Variants in NUDT3 observed in about 807,000 individuals in gnomAD.
The protein encoded by NUDT3 is diphosphoinositol polyphosphate phosphohydrolase 1.
NUDT3 carries 9 observed loss-of-function variants against 23.6 expected under a neutral mutation model. That is an observed-to-expected ratio of 0.38 (90% CI 0.23 to 0.66). NUDT3 has a LOEUF of 0.66. NUDT3 is among the 30% of genes least tolerant of loss of function. The pLI is 0.52. For missense variants in NUDT3, 172 were observed against 218.5 expected (o/e 0.79, Z 1.34); for synonymous variants, 86 against 82.6 (o/e 1.04, Z -0.22).
intron 1 of NUDT3, among the ~76,000 whole-genome samples, chr6:34,375,353 TTAAAAAA>T (rs1389650084): frequency 2.0e-5 from 3 of 151,744 alleles, no homozygotes; most frequent in African/African-American, 7.3e-5. Context: ...CAAAAAAAAA[TTAAAAAA>T]TAAAAAATAA....
chr6:34,288,830 A>G lies in NUDT3; in HGVS notation c.442T>C (p.Ser148Pro). 1 of 1,614,154 alleles carries G rather than the reference A, an allele frequency of 6.2e-7. No homozygotes were observed. Among genetic ancestry groups the G allele is most frequent in the Non-Finnish European group, 8.5e-7 (1 of 1,180,010 alleles). ...SYFETLRQGY[S>P]ANNGTPVVAT... The stretch of plus-strand genomic sequence containing the variant: ...ACGACTGGGGTGCCATTGTTGGCTG[A>G]GTAGCCTTGCCTCAATGTTTCAAAA... The change falls in exon 5 of 5, where the codon TCA becomes CCA. Residue 148 changes from serine to proline, a missense_variant. Coordinates refer to ENST00000607016, the MANE Select transcript of NUDT3 (RefSeq NM_006703.4).
At chr6:34,353,311 T>C (rs531082982) in intron 1 of NUDT3, among the ~76,000 whole-genome samples, 2 of 152,316 alleles carry the variant, frequency 1.3e-5, no homozygotes, top group East Asian at 1.9e-4. Context: ...TTATTTGTTA[T>C]ACACAAATTT....
At position 34,346,903 on chromosome 6, in the gene NUDT3, A is replaced by C. The variant is rs574597136; in HGVS notation, c.100-4931T>G. Reference sequence around the variant, plus strand: ...CCCGAGTAGCTGGGACTACAGGCACACACCACCATGCTCGGCTAATTTTTA... The same window carrying C: ...CCCGAGTAGCTGGGACTACAGGCACCCACCACCATGCTCGGCTAATTTTTA... On this transcript the variant is annotated intron_variant, in intron 1 of 4. Coordinates refer to ENST00000607016, the MANE Select transcript of NUDT3 (RefSeq NM_006703.4). Among the ~76,000 whole-genome samples, 25 of 152,294 alleles carry C rather than the reference A, an allele frequency of 1.6e-4. No homozygotes were observed. In the South Asian group the frequency reaches 4.6e-3, roughly 28 times the overall value.
intron 4 of NUDT3, among the ~76,000 whole-genome samples, chr6:34,291,512 ATTTTTTT>A (rs888858316): frequency 6.8e-6 from 1 of 148,096 alleles, no homozygotes; most frequent in Non-Finnish European, 1.5e-5. Context: ...ATTGACAAAA[ATTTTTTT>A]TTTTGAAACA....
rs1365488400 is a variant in NUDT3 at position 34,282,523 on chromosome 6, G to A, written c.*6230C>T. 2 of 152,150 alleles carry A rather than the reference G, an allele frequency of 1.3e-5. No homozygotes were observed. Among genetic ancestry groups the A allele is most frequent in the African/African-American group, 4.8e-5 (2 of 41,440 alleles). The allele number at this position is 152,150 out of a possible 1,614,324, so 9.4% of individuals were successfully genotyped here. On this transcript the variant is annotated 3_prime_UTR_variant, in exon 5 of 5. Coordinates refer to ENST00000607016, the MANE Select transcript of NUDT3 (RefSeq NM_006703.4). ...TGCCTGGCTGGAAGCTCAAGTCTAG[G>A]AGAGCTATTTTACTGCACTGTTGAG...
At chr6:34,325,196 T>TAAAA in intron 2 of NUDT3, among the ~76,000 whole-genome samples, 1 of 152,254 alleles carries the variant, frequency 6.6e-6, no homozygotes, top group South Asian at 2.1e-4. Context: ...AAACATGATA[T>TAAAA]GCTTTCACTG....
chr6:34,367,258 G>A (rs1764750248), intron 1 of NUDT3, among the ~76,000 whole-genome samples: 1 of 151,990 alleles, frequency 6.6e-6, no homozygotes, highest in Admixed American at 6.5e-5. Flanking sequence ...GAGGTGAGTG[G>A]ATCACCTGAG....
chr6:34,361,216 T>C (rs1002586763), intron 1 of NUDT3, among the ~76,000 whole-genome samples: 2 of 152,298 alleles, frequency 1.3e-5, no homozygotes, highest in South Asian at 2.1e-4. Context: ...AGTGAGACCC[T>C]GTCTCTAAAA....
In NUDT3 at chr6:34,282,927, A is replaced by C. The variant is rs1313418556; in HGVS notation, c.*5826T>G. ...AATGACTTCTTTCCACCTTCTAGAT[A>C]GTAATCTTACTTTTGTTGGCTAAAA... On this transcript the variant is annotated 3_prime_UTR_variant, in exon 5 of 5. Coordinates refer to ENST00000607016, the MANE Select transcript of NUDT3 (RefSeq NM_006703.4). 3 of 152,190 alleles carry C rather than the reference A, an allele frequency of 2.0e-5. No homozygotes were observed. The highest frequency in any genetic ancestry group is 7.2e-5 in the African/African-American group (3 of 41,446). 9.4% of individuals were successfully genotyped at this position (152,190 alleles called of 1,614,324 possible).
At chr6:34,342,066 C>G (rs1764296223) in intron 1 of NUDT3, 94 bp from the exon 2 acceptor site, 1 of 1,105,872 alleles carries the variant, frequency 9.0e-7, no homozygotes, top group African/African-American at 1.6e-5. Context: ...TCAAAGTAAC[C>G]AAGACCCATT....
chr6:34,392,007 C>T (rs1765210215), intron 1 of NUDT3, among the ~76,000 whole-genome samples: 1 of 152,172 alleles, frequency 6.6e-6, no homozygotes, highest in Admixed American at 6.5e-5. Flanking sequence ...GGCGGCGGAA[C>T]CGAAGCGCTC....
chr6:34,363,776 T>C (rs2113753803), intron 1 of NUDT3, among the ~76,000 whole-genome samples: 1 of 151,514 alleles, frequency 6.6e-6, no homozygotes, highest in South Asian at 2.1e-4. Flanking sequence ...TTTTTTCTTT[T>C]TCTTCTTTTT....
intron 4 of NUDT3, among the ~76,000 whole-genome samples, chr6:34,292,683 T>A (rs1234558170): frequency 6.6e-6 from 1 of 152,166 alleles, no homozygotes; most frequent in Non-Finnish European, 1.5e-5. Context: ...CACTATTCTG[T>A]ATCTACTAAA....
At chr6:34,320,329 C>T (rs991241805) in intron 2 of NUDT3, among the ~76,000 whole-genome samples, 2 of 152,036 alleles carry the variant, frequency 1.3e-5, no homozygotes, top group African/African-American at 2.4e-5. Context: ...GGGTTTAAAG[C>T]GATTCTCCTG....
rs74659886 is a variant in NUDT3, at chr6:34,352,724, T to C, written c.100-10752A>G. ...ACTTATTAACCACAATTCAGTCTAATTTAAGATGTCAAAGTTTAAACCACA... is the reference window on the plus strand; with the variant it reads ...ACTTATTAACCACAATTCAGTCTAACTTAAGATGTCAAAGTTTAAACCACA... On this transcript the variant is annotated intron_variant, in intron 1 of 4. Transcript: ENST00000607016. 1.2e-3 allele frequency among the ~76,000 whole-genome samples: 182 copies of C among 152,342 alleles called. 6 individuals carry two copies. The East Asian group carries it at 0.029, about 24-fold the overall frequency.
At chr6:34,374,330 T>C (rs151101924) in intron 1 of NUDT3, among the ~76,000 whole-genome samples, 182 of 152,318 alleles carry the variant, frequency 1.2e-3, no homozygotes, top group African/African-American at 4.1e-3. Context: ...CGTGGCTGGA[T>C]AGATCATGTC....
intron 2 of NUDT3, among the ~76,000 whole-genome samples, chr6:34,309,673 C>T (rs1561902505): frequency 6.6e-6 from 1 of 151,476 alleles, no homozygotes; most frequent in Non-Finnish European, 1.5e-5. Flanking sequence ...AAAATAAAAT[C>T]ATATAAAAAT....
chr6:34,359,292 G>A (rs1484002278), intron 1 of NUDT3, among the ~76,000 whole-genome samples: 1 of 152,188 alleles, frequency 6.6e-6, no homozygotes, highest in African/African-American at 2.4e-5. Context: ...ATAATTGCTT[G>A]AACCTGGGAG....
intron 3 of NUDT3, among the ~76,000 whole-genome samples, chr6:34,295,247 G>T: frequency 6.6e-6 from 1 of 151,974 alleles, no homozygotes; most frequent in Admixed American, 6.6e-5. Context: ...CCGAGGTTGG[G>T]CATGGTGGCT....
Sources: allele counts gnomAD v4.1 joint callset (sites outside exome capture counted in the v4.1 genomes callset), GRCh38; gene constraint gnomAD v4.1.1; transcripts MANE v1.5; gene names NCBI Gene and HGNC (gene_info 2026-07-23, HGNC 2026-07-21).